The following SLC25A12 variants were observed in gnomAD, a reference collection of about 807,000 sequenced individuals.
The protein encoded by SLC25A12 is solute carrier family 25 member 12.
In SLC25A12, 32 loss-of-function variants were observed where a neutral mutation model predicts 83.3. The observed-to-expected ratio is 0.38, with a 90% CI of 0.29 to 0.52. The LOEUF (loss-of-function observed/expected upper bound fraction) is 0.52. Among genes scored for constraint, SLC25A12 ranks in the 20% least tolerant of loss-of-function variants. The pLI is 0.84. For synonymous variants in SLC25A12, 267 were observed against 291.1 expected, an observed-to-expected ratio of 0.92 and a Z score of 0.84; for missense variants, 611 against 835.6, an observed-to-expected ratio of 0.73 and a Z score of 3.31.
In SLC25A12 at chr2:171,876,982, C is replaced by T. The variant is rs1309408514; in HGVS notation, c.67-8159G>A. On this transcript the variant is annotated intron_variant, in intron 2 of 17. Transcript: ENST00000422440. ...GTCCATTTTCTTGATTAAACTTTTT[C>T]CAAGCCCAACTCAAGTATTTGAAAT... 1.3e-5 allele frequency among the ~76,000 whole-genome samples: 2 copies of T among 152,180 alleles called. 1 individual carries two copies. Among genetic ancestry groups the T allele is most frequent in the Non-Finnish European group, 2.9e-5 (2 of 68,032 alleles).
intron 2 of SLC25A12, among the ~76,000 whole-genome samples, chr2:171,876,152 T>C (rs1447039264): frequency 6.6e-6 from 1 of 152,162 alleles, no homozygotes; most frequent in Non-Finnish European, 1.5e-5. Flanking sequence ...TTATAAATGA[T>C]GCCAAAGAAC....
At chr2:171,837,656 T>C (rs1480577299) in intron 5 of SLC25A12, among the ~76,000 whole-genome samples, 1 of 152,214 alleles carries the variant, frequency 6.6e-6, no homozygotes, top group African/African-American at 2.4e-5. Flanking sequence ...CAAAGAGTAC[T>C]TCATGAATTA....
intron 13 of SLC25A12, among the ~76,000 whole-genome samples, chr2:171,800,199 C>CA (rs1354605437): frequency 2.0e-5 from 3 of 151,772 alleles, no homozygotes; most frequent in Non-Finnish European, 4.4e-5. Context: ...CACAAACTGG[C>CA]AAAAAAATAT....
intron 3 of SLC25A12, among the ~76,000 whole-genome samples, chr2:171,859,892 T>C (rs540237362): frequency 1.3e-5 from 2 of 152,214 alleles, no homozygotes; most frequent in Admixed American, 6.5e-5. Flanking sequence ...TTCAGCCTCC[T>C]GAGTAGCTGG....
In SLC25A12 at chr2:171,844,484, T is replaced by A; in HGVS notation, c.350A>T (p.Gln117Leu). Residue 117 changes from glutamine to leucine, a missense_variant, in exon 5 of 18, where the codon CAG becomes CTG. Physicochemically the swap from Gln to Leu is moderately radical, Grantham distance 113 (BLOSUM62 -2). This residue lies in a region of SLC25A12 where 540 missense variants were observed against 777.5 expected (regional missense o/e 0.69). Coordinates refer to ENST00000422440, the MANE Select transcript of SLC25A12 (RefSeq NM_003705.5). ...TFENVKEIFGQTIIHHHIPFN... is the reference protein window; with the variant it reads ...TFENVKEIFGLTIIHHHIPFN... ...AGGGATATGATGATGAATAATAGTC[T>A]GTCCAAAAATTTCTTTGACATTTTC... 1 of 1,602,602 alleles carries A rather than the reference T, an allele frequency of 6.2e-7. No homozygotes were observed. The highest frequency in any genetic ancestry group is 1.1e-5 in the South Asian group (1 of 90,748).
chr2:171,889,136 C>T (rs867659366), intron 2 of SLC25A12, among the ~76,000 whole-genome samples: 1 of 152,182 alleles, frequency 6.6e-6, no homozygotes, highest in Non-Finnish European at 1.5e-5. Flanking sequence ...AGCCCCTGAT[C>T]CTCTGCCTTG....
At chr2:171,843,154 T>TA (rs1459924081) in intron 5 of SLC25A12, among the ~76,000 whole-genome samples, 1 of 152,200 alleles carries the variant, frequency 6.6e-6, no homozygotes, top group East Asian at 1.9e-4. Context: ...TAATTTTATG[T>TA]AAATTTTACC....
rs1462709858 is a variant in SLC25A12, at chr2:171,834,734, G to A, written c.744C>T (p.Val248=). ...TLAGTRKDVE[V]TKEEFAQSAI... is the part of the protein sequence containing the mutation. ...TATATTTTAAAATCTTACCCTTTGTGACTTCAACATCTTTCCTTGTGCCAG... is the reference window on the plus strand; with the variant it reads ...TATATTTTAAAATCTTACCCTTTGTAACTTCAACATCTTTCCTTGTGCCAG... Residue 248 remains valine (V), a synonymous_variant, in exon 7 of 18, where the codon GTC becomes GTT. Coordinates refer to ENST00000422440, the MANE Select transcript of SLC25A12 (RefSeq NM_003705.5). 8.7e-6 allele frequency: 14 copies of A among 1,613,154 alleles called. No individual in the cohort carries two copies. The highest frequency in any genetic ancestry group is 1.1e-5 in the Non-Finnish European group (13 of 1,179,870).
intron 14 of SLC25A12, among the ~76,000 whole-genome samples, 195 bp downstream of exon 14, chr2:171,793,432 T>C (rs949512619): frequency 3.3e-5 from 5 of 152,170 alleles, no homozygotes; most frequent in African/African-American, 4.8e-5. Context: ...CATAAAAGCC[T>C]GATGACAACA....
intron 2 of SLC25A12, among the ~76,000 whole-genome samples, chr2:171,886,280 G>T (rs1378100517): frequency 1.4e-5 from 2 of 146,340 alleles, no homozygotes; most frequent in African/African-American, 5.1e-5. Context: ...ACTCAGGCTG[G>T]AGTGCAGTGG....
chr2:171,812,038 T>C (rs1269694259), intron 11 of SLC25A12, among the ~76,000 whole-genome samples: 2 of 152,220 alleles, frequency 1.3e-5, no homozygotes, highest in Non-Finnish European at 2.9e-5. Context: ...GTCTGCATTC[T>C]GGATATTGTA....
At chr2:171,868,110 G>A (rs1188772405) in intron 3 of SLC25A12, among the ~76,000 whole-genome samples, 1 of 152,066 alleles carries the variant, frequency 6.6e-6, no homozygotes, top group African/African-American at 2.4e-5. Context: ...CTCCCAAAGT[G>A]CTGGGATCAC....
chr2:171,891,857 G>T (rs1425935535), intron 2 of SLC25A12, among the ~76,000 whole-genome samples: 1 of 152,164 alleles, frequency 6.6e-6, no homozygotes, highest in Non-Finnish European at 1.5e-5. Context: ...TCCCTTATCA[G>T]ATATTATGAC....
intron 13 of SLC25A12, among the ~76,000 whole-genome samples, chr2:171,798,610 A>G (rs1002780524): frequency 2.0e-5 from 3 of 152,252 alleles, no homozygotes; most frequent in Admixed American, 6.5e-5. Context: ...TCACAGAACT[A>G]GCTGTCACTA....
intron 1 of SLC25A12, 39 bp from the exon 2 acceptor site, chr2:171,893,297 A>G (rs898181274): frequency 6.6e-7 from 1 of 1,523,416 alleles, no homozygotes. Flanking sequence ...TTAATGCTTC[A>G]CTAGAGACCA....
intron 2 of SLC25A12, among the ~76,000 whole-genome samples, chr2:171,882,252 T>TCA (rs1685711606): frequency 6.6e-6 from 1 of 152,104 alleles, no homozygotes; most frequent in Non-Finnish European, 1.5e-5. Flanking sequence ...CATACACACC[T>TCA]CCCTCACCCT....
At chr2:171,887,947 G>A (rs1021169283) in intron 2 of SLC25A12, among the ~76,000 whole-genome samples, 3 of 151,992 alleles carry the variant, frequency 2.0e-5, no homozygotes, top group Non-Finnish European at 4.4e-5. Flanking sequence ...GAACACCACA[G>A]GAAAAATGAA....
intron 8 of SLC25A12, among the ~76,000 whole-genome samples, chr2:171,827,405 C>T (rs1214167844): frequency 6.6e-6 from 1 of 152,066 alleles, no homozygotes; most frequent in Non-Finnish European, 1.5e-5. Flanking sequence ...TCACTTCAGC[C>T]TCTGATTGGT....
chr2:171,863,355 A>G (rs907911006), intron 3 of SLC25A12, among the ~76,000 whole-genome samples: 1 of 152,072 alleles, frequency 6.6e-6, no homozygotes, highest in Non-Finnish European at 1.5e-5. Context: ...GTGAAACCTC[A>G]TCTCTACTAA....
Sources: allele counts gnomAD v4.1 joint callset (sites outside exome capture counted in the v4.1 genomes callset), GRCh38; gene constraint gnomAD v4.1.1; regional missense constraint gnomAD v4.1.1; transcripts MANE v1.5; gene names NCBI Gene and HGNC (gene_info 2026-07-23, HGNC 2026-07-21).